The following SPAG16 variants were observed in gnomAD, a reference collection of about 807,000 sequenced individuals.
SPAG16 encodes sperm associated antigen 16, also known as sperm-associated antigen 16 protein.
A neutral mutation model predicts 80.4 loss-of-function variants in SPAG16; 86 were observed. That is an observed-to-expected ratio of 1.07 (90% confidence interval 0.90 to 1.28). SPAG16 has a LOEUF of 1.28. SPAG16 is among the 50% of genes most tolerant of loss of function. SPAG16 has a pLI of 0.00. For missense variants in SPAG16, 870 were observed against 765.3 expected (o/e 1.14, Z -1.61); for synonymous variants, 294 against 265.9 (o/e 1.11, Z -1.03).
chr2:213,775,831 A>G (rs546702175), intron 10 of SPAG16, among the ~76,000 whole-genome samples: 2 of 152,212 alleles, frequency 1.3e-5, no homozygotes, highest in Non-Finnish European at 2.9e-5. Flanking sequence ...ATTAAGTGGA[A>G]GCTGCATTTT....
rs537647344 is a variant in SPAG16 at position 214,394,040 on chromosome 2, G to C, written c.1721-16100G>C. ...GAATATGGGCCAGGAAATTTATTCT[G>C]TGTTTTCAAGCTGCTTTTGGGTTGT... On this transcript the variant is annotated intron_variant, in intron 15 of 15. Transcript: ENST00000331683. 3.3e-5 allele frequency among the ~76,000 whole-genome samples: 5 copies of C among 152,258 alleles called. No individual in the cohort carries two copies. In the East Asian group the frequency reaches 7.7e-4, roughly 24 times the overall value.
intron 12 of SPAG16, among the ~76,000 whole-genome samples, chr2:213,994,562 A>C (rs2046427187): frequency 6.8e-6 from 1 of 147,770 alleles, no homozygotes; most frequent in Non-Finnish European, 1.5e-5. Flanking sequence ...CAGAGGGAGA[A>C]AATGATTTTC....
At chr2:213,358,966 G>A (rs577199672) in intron 7 of SPAG16, among the ~76,000 whole-genome samples, 1 of 152,102 alleles carries the variant, frequency 6.6e-6, no homozygotes, top group Non-Finnish European at 1.5e-5. Flanking sequence ...TTTTTTTGAA[G>A]TTTATGCTAT....
At chr2:214,250,749 T>TAGAGAGAGAGAGAGAG (rs377538514) in intron 15 of SPAG16, among the ~76,000 whole-genome samples, 3 of 92,804 alleles carry the variant, frequency 3.2e-5, no homozygotes. Context: ...TATATATATA[T>TAGAGAGAGAGAGAGAG]ATATATATAG....
intron 15 of SPAG16, among the ~76,000 whole-genome samples, chr2:214,320,432 A>T (rs1696015048): frequency 6.6e-6 from 1 of 152,200 alleles, no homozygotes; most frequent in South Asian, 2.1e-4. Context: ...TTCCTCCTGT[A>T]TGAACCATAT....
At chr2:214,206,143 C>T (rs1366476317) in intron 15 of SPAG16, among the ~76,000 whole-genome samples, 12 of 152,100 alleles carry the variant, frequency 7.9e-5, no homozygotes, top group Non-Finnish European at 7.4e-5. Flanking sequence ...TTGCAGTGAG[C>T]CGAGATTGCA....
At chr2:214,286,134 A>C (rs1188469257) in intron 15 of SPAG16, among the ~76,000 whole-genome samples, 1 of 152,214 alleles carries the variant, frequency 6.6e-6, no homozygotes, top group Non-Finnish European at 1.5e-5. Flanking sequence ...ATTTGAACTC[A>C]AGAAGCAGAG....
intron 10 of SPAG16, among the ~76,000 whole-genome samples, chr2:213,577,293 A>G (rs531156733): frequency 7.9e-5 from 12 of 152,274 alleles, no homozygotes; most frequent in African/African-American, 2.9e-4. Flanking sequence ...TGACTTGAAC[A>G]TTATTATCTA....
chr2:213,347,379 A>AT (rs1344918737), intron 6 of SPAG16, among the ~76,000 whole-genome samples: 2 of 151,728 alleles, frequency 1.3e-5, no homozygotes, highest in Non-Finnish European at 2.9e-5. Context: ...TTGTGTCTCT[A>AT]TTTCCTTCAG....
intron 13 of SPAG16, among the ~76,000 whole-genome samples, chr2:214,082,488 C>T (rs1052491441): frequency 3.3e-5 from 5 of 152,144 alleles, no homozygotes; most frequent in African/African-American, 9.7e-5. Flanking sequence ...GCTCAGTAAT[C>T]TCCACTATTT....
intron 13 of SPAG16, among the ~76,000 whole-genome samples, chr2:214,018,598 T>A (rs959721621): frequency 6.6e-6 from 1 of 152,176 alleles, no homozygotes; most frequent in African/African-American, 2.4e-5. Flanking sequence ...TTATAATTTT[T>A]AAAATATGTT....
intron 13 of SPAG16, among the ~76,000 whole-genome samples, chr2:214,026,810 T>C (rs1374448653): frequency 2.0e-5 from 3 of 151,538 alleles, no homozygotes; most frequent in Non-Finnish European, 3.0e-5. Flanking sequence ...TTAGAGCCCT[T>C]AAACAGACTC....
intron 10 of SPAG16, among the ~76,000 whole-genome samples, chr2:213,636,076 T>A (rs1430560354): frequency 6.6e-6 from 1 of 152,204 alleles, no homozygotes; most frequent in Non-Finnish European, 1.5e-5. Flanking sequence ...ATTTTTATGG[T>A]TTCTGGTCTT....
intron 10 of SPAG16, among the ~76,000 whole-genome samples, chr2:213,809,979 A>T (rs1274712294): frequency 6.6e-6 from 1 of 152,192 alleles, no homozygotes; most frequent in Non-Finnish European, 1.5e-5. Flanking sequence ...TAAACCATAC[A>T]CCATGGCACC....
intron 10 of SPAG16, among the ~76,000 whole-genome samples, chr2:213,677,542 G>A (rs978383081): frequency 1.3e-5 from 2 of 152,016 alleles, no homozygotes; most frequent in Non-Finnish European, 2.9e-5. Flanking sequence ...TAATGGTAAA[G>A]GGATCAATTC....
chr2:214,271,009 G>A (rs1691953925), intron 15 of SPAG16, among the ~76,000 whole-genome samples: 2 of 152,066 alleles, frequency 1.3e-5, no homozygotes. Flanking sequence ...AAAAGTCTAG[G>A]AAATGATTTC....
At chr2:214,113,162 T>C (rs1452890920) in intron 14 of SPAG16, among the ~76,000 whole-genome samples, 1 of 152,242 alleles carries the variant, frequency 6.6e-6, no homozygotes, top group Admixed American at 6.5e-5. Context: ...CTCTTCTGGC[T>C]TGTAAGGTTT....
At chr2:214,120,798 A>G (rs1405188722) in intron 14 of SPAG16, among the ~76,000 whole-genome samples, 1 of 151,870 alleles carries the variant, frequency 6.6e-6, no homozygotes, top group Non-Finnish European at 1.5e-5. Flanking sequence ...TTTATAATTC[A>G]TATTATTTAA....
intron 10 of SPAG16, among the ~76,000 whole-genome samples, chr2:213,491,318 A>G (rs1452460000): frequency 1.3e-5 from 2 of 152,214 alleles, no homozygotes; most frequent in African/African-American, 4.8e-5. Flanking sequence ...AGCCATGCCA[A>G]TAATGCATCT....
Sources: gnomAD v4.1 joint callset for allele counts (sites outside exome capture counted in the v4.1 genomes callset) on GRCh38, gnomAD v4.1.1 for gene constraint, MANE v1.5 for transcripts, NCBI Gene and HGNC (gene_info 2026-07-23, HGNC 2026-07-21) for gene names.